The following USP53 variants were observed in gnomAD, a reference collection of about 807,000 sequenced individuals.
USP53 encodes ubiquitin carboxyl-terminal hydrolase 53.
Under a neutral mutation model 94.9 loss-of-function variants are expected in USP53, and 71 were observed. That is an observed-to-expected ratio of 0.75 (90% CI 0.62 to 0.91). USP53 has a LOEUF of 0.91. Ranked by LOEUF, USP53 falls within the 40% of genes least tolerant of loss-of-function variation. USP53 has a pLI of 0.00. For missense variants in USP53, 1,173 were observed against 1,281.0 expected (o/e 0.92, Z 1.29); for synonymous variants, 375 against 422.7 (o/e 0.89, Z 1.39).
intron 3 of USP53, among the ~76,000 whole-genome samples, chr4:119,221,664 G>T (rs760398870): frequency 1.3e-5 from 2 of 152,058 alleles, no homozygotes; most frequent in East Asian, 3.9e-4. Context: ...TTGAGCCTTC[G>T]AGGAGAATAT....
chr4:119,260,832 TTCACTCTAAAA>T (rs1177878842), intron 11 of USP53, among the ~76,000 whole-genome samples, 179 bp downstream of exon 11: 1 of 152,180 alleles, frequency 6.6e-6, no homozygotes, highest in Non-Finnish European at 1.5e-5. Context: ...TTTTGCTTCT[TTCACTCTAAAA>T]TCATGATGAT....
chr4:119,214,355 A>G (rs1351230476), intron 2 of USP53, 133 bp downstream of exon 2: 1 of 152,128 alleles, frequency 6.6e-6, no homozygotes, highest in East Asian at 1.9e-4. Flanking sequence ...GTGATTTATT[A>G]AGATTTTTTC....
intron 16 of USP53, chr4:119,272,282 C>G (rs1191924963): frequency 6.3e-6 from 2 of 319,986 alleles, no homozygotes; most frequent in Non-Finnish European, 1.1e-5. Flanking sequence ...AAAATAGCAG[C>G]TTTTTATTTT....
chr4:119,288,211 TA>T (rs1754333430), intron 17 of USP53, among the ~76,000 whole-genome samples: 2 of 152,302 alleles, frequency 1.3e-5, no homozygotes, highest in South Asian at 4.1e-4. Flanking sequence ...TTTAAAGAAA[TA>T]AACCCAGTAC....
chr4:119,220,713 A>C (rs908520916), intron 3 of USP53: 1 of 152,220 alleles, frequency 6.6e-6, no homozygotes, highest in Non-Finnish European at 1.5e-5. Context: ...GCTGTTAAGG[A>C]AAAAATTATT....
intron 17 of USP53, among the ~76,000 whole-genome samples, chr4:119,279,374 T>C (rs2149450005): frequency 6.7e-6 from 1 of 150,060 alleles, no homozygotes; most frequent in South Asian, 2.1e-4. Context: ...GAGGTGTCAG[T>C]GTGCCCCTGC....
At chr4:119,234,601 C>G (rs185530579) in intron 3 of USP53, among the ~76,000 whole-genome samples, 1 of 152,270 alleles carries the variant, frequency 6.6e-6, no homozygotes, top group African/African-American at 2.4e-5. Context: ...CAAAAAGATT[C>G]TTTCATTAAA....
At chr4:119,281,587 A>G (rs771218206) in intron 17 of USP53, among the ~76,000 whole-genome samples, 3 of 152,220 alleles carry the variant, frequency 2.0e-5, no homozygotes, top group Non-Finnish European at 4.4e-5. Flanking sequence ...TACAGGAAAC[A>G]GTAAAGGGTT....
At chr4:119,255,967 CA>C (rs1174646870) in intron 7 of USP53, among the ~76,000 whole-genome samples, 1 of 152,088 alleles carries the variant, frequency 6.6e-6, no homozygotes, top group African/African-American at 2.4e-5. Flanking sequence ...TTGTAGATGT[CA>C]GTCACCATGG....
At chr4:119,255,167 A>C (rs1270956236) in intron 7 of USP53, among the ~76,000 whole-genome samples, 1 of 152,192 alleles carries the variant, frequency 6.6e-6, no homozygotes, top group African/African-American at 2.4e-5. Context: ...TCTCCCAGTC[A>C]GGCTACACAG....
At position 119,274,263 on chromosome 4, in the gene USP53, G is replaced by A. The variant is rs998195757; in HGVS notation, c.2251+555G>A. 1.2e-3 allele frequency among the ~76,000 whole-genome samples: 91 copies of A among 74,962 alleles called. 1 individual carries two copies. The South Asian group carries it at 0.032, about 26-fold the overall frequency. The allele number at this position is 74,962 out of a possible 152,430, so 49.2% of individuals were successfully genotyped here. The stretch of plus-strand genomic sequence containing the variant: ...CCCTCCCCCCTCCCCCCACCCCACC[G>A]CAGTCCCCAGAGTGTGATATTCCCT... On this transcript the variant is annotated intron_variant, in intron 17 of 18. Coordinates refer to ENST00000692078, the MANE Select transcript of USP53 (RefSeq NM_001371395.1).
chr4:119,253,278 T>G (rs1339954677), intron 7 of USP53, among the ~76,000 whole-genome samples: 1 of 152,112 alleles, frequency 6.6e-6, no homozygotes, highest in East Asian at 1.9e-4. Context: ...TCCTTGTTAA[T>G]TTTCTGTCTT....
chr4:119,268,691 A>G (rs1751486000), intron 14 of USP53, among the ~76,000 whole-genome samples: 1 of 152,232 alleles, frequency 6.6e-6, no homozygotes, highest in Non-Finnish European at 1.5e-5. Context: ...ATAATGTGGC[A>G]TTTCATTCAA....
intron 7 of USP53, among the ~76,000 whole-genome samples, 165 bp downstream of exon 7, chr4:119,249,047 A>C (rs938224864): frequency 6.6e-6 from 1 of 152,096 alleles, no homozygotes; most frequent in Non-Finnish European, 1.5e-5. Flanking sequence ...ACTTCAATCC[A>C]TCTGTGTTTT....
chr4:119,221,647 G>A (rs35886000), intron 3 of USP53, among the ~76,000 whole-genome samples: 52,432 of 151,830 alleles, frequency 0.35, 9,162 homozygotes, highest in South Asian at 0.38. Flanking sequence ...TGCTGTAAAC[G>A]GGGAACTTGA....
At chr4:119,240,204 A>G (rs995992933) in intron 5 of USP53, among the ~76,000 whole-genome samples, 6 of 152,154 alleles carry the variant, frequency 3.9e-5, no homozygotes, top group Middle Eastern at 3.2e-3. Context: ...TTAATCAGCT[A>G]ACACCCCTCC....
chr4:119,259,758 T>C (rs556982520), intron 9 of USP53, 62 bp from the exon 10 acceptor site: 1 of 1,268,490 alleles, frequency 7.9e-7, no homozygotes. Flanking sequence ...ATATTTTTCA[T>C]GTGTAATTTA....
chr4:119,265,770 A>G (rs973334049), intron 12 of USP53, among the ~76,000 whole-genome samples: 5 of 152,220 alleles, frequency 3.3e-5, no homozygotes, highest in Admixed American at 6.5e-5. Context: ...GTGTAGTTCA[A>G]AAAAGCTCAT....
intron 3 of USP53, among the ~76,000 whole-genome samples, chr4:119,224,234 G>T (rs1054327052): frequency 6.6e-6 from 1 of 152,088 alleles, no homozygotes; most frequent in African/African-American, 2.4e-5. Context: ...TCCTGACCTC[G>T]TGATCTGCCC....
Sources: gnomAD v4.1 joint callset for allele counts (sites outside exome capture counted in the v4.1 genomes callset) on GRCh38, gnomAD v4.1.1 for gene constraint, MANE v1.5 for transcripts, NCBI Gene and HGNC (gene_info 2026-07-23, HGNC 2026-07-21) for gene names.